NTM: variants seen among roughly 807,000 people sequenced by gnomAD.
The protein encoded by NTM is IgLON family member 2.
A neutral mutation model predicts 42.1 loss-of-function variants in NTM; 13 were observed. The ratio of observed to expected loss-of-function variants is 0.31; its 90% CI spans 0.20 to 0.49. The LOEUF (loss-of-function observed/expected upper bound fraction) is 0.49, where lower values mean the gene tolerates loss of function less well. NTM is among the 20% of genes least tolerant of loss of function. The pLI is 0.99. For missense variants in NTM, 373 were observed against 452.8 expected, an observed-to-expected ratio of 0.82 and a Z score of 1.60; for synonymous variants, 187 against 179.2, an observed-to-expected ratio of 1.04 and a Z score of -0.35.
intron 1 of NTM, among the ~76,000 whole-genome samples, chr11:131,675,800 T>C (rs1167289143): frequency 6.6e-6 from 1 of 152,170 alleles, no homozygotes; most frequent in African/African-American, 2.4e-5. Context: ...CAGATGAAGG[T>C]GACTCAAGAC....
intron 1 of NTM, among the ~76,000 whole-genome samples, chr11:131,497,675 G>T (rs1372921383): frequency 6.6e-6 from 1 of 152,198 alleles, no homozygotes; most frequent in East Asian, 1.9e-4. Flanking sequence ...GGAGAAAATT[G>T]TTAAGTACCA....
chr11:131,405,234 T>C (rs896137205), intron 1 of NTM, among the ~76,000 whole-genome samples: 1 of 152,120 alleles, frequency 6.6e-6, no homozygotes, highest in African/African-American at 2.4e-5. Flanking sequence ...TTACACACCT[T>C]AGAATAGATT....
chr11:131,855,275 A>C (rs1197826405), intron 1 of NTM, among the ~76,000 whole-genome samples: 5 of 152,358 alleles, frequency 3.3e-5, no homozygotes, highest in African/African-American at 1.2e-4. Context: ...AAGAAAACGA[A>C]TGGAATGAGT....
rs978590980 is a variant in NTM at position 132,002,717 on chromosome 11, G to A, written c.167+91069G>A. Among the ~76,000 whole-genome samples, 1 of 152,082 alleles carries A rather than the reference G, an allele frequency of 6.6e-6. No individual in the cohort carries two copies. The highest frequency in any genetic ancestry group is 2.4e-5 in the African/African-American group (1 of 41,382). ...CTACTAAATTTTGTGGCAATACAAT[G>A]CCTGGGTTTGAATTCAAGTTCTGCC... On this transcript the variant is annotated intron_variant, in intron 2 of 8. Transcript: ENST00000683400. The surrounding 1 kb of genome is among the most constrained non-coding windows in gnomAD (Gnocchi z 4.5).
At chr11:131,548,769 G>A (rs2054273033) in intron 1 of NTM, among the ~76,000 whole-genome samples, 1 of 152,094 alleles carries the variant, frequency 6.6e-6, no homozygotes, top group Non-Finnish European at 1.5e-5. Flanking sequence ...CCAGCAGTTA[G>A]CACGTACATG....
chr11:132,182,183 C>G (rs528176822), intron 3 of NTM, among the ~76,000 whole-genome samples: 1 of 152,074 alleles, frequency 6.6e-6, no homozygotes, highest in East Asian at 1.9e-4. Context: ...TTTAACACAC[C>G]TGTTTTGTTA....
chr11:131,712,014 G>A (rs2077202165), intron 1 of NTM, among the ~76,000 whole-genome samples: 1 of 148,518 alleles, frequency 6.7e-6, no homozygotes, highest in Non-Finnish European at 1.5e-5. Flanking sequence ...GATAGCATTA[G>A]GAGGTATACC....
intron 1 of NTM, among the ~76,000 whole-genome samples, chr11:131,891,885 A>C (rs1259467638): frequency 1.3e-5 from 2 of 152,210 alleles, no homozygotes; most frequent in Non-Finnish European, 2.9e-5. Flanking sequence ...CTCCTGAATC[A>C]TAGTCTTCCT....
At chr11:132,260,612 C>T (rs2092788572) in intron 4 of NTM, among the ~76,000 whole-genome samples, 1 of 152,138 alleles carries the variant, frequency 6.6e-6, no homozygotes. Context: ...CTTGTGTCCT[C>T]GGGTTTTGAC....
chr11:131,670,764 G>A (rs77320925), intron 1 of NTM, among the ~76,000 whole-genome samples: 5,257 of 152,266 alleles, frequency 0.035, 298 homozygotes, highest in African/African-American at 0.12. Context: ...GATGCTGTCC[G>A]AGAGGCGTAG....
intron 1 of NTM, among the ~76,000 whole-genome samples, chr11:131,884,522 G>A (rs1179656546): frequency 6.6e-6 from 1 of 152,182 alleles, no homozygotes; most frequent in Non-Finnish European, 1.5e-5. Context: ...TGTGGCTCCA[G>A]AAACAGTGTT....
intron 1 of NTM, among the ~76,000 whole-genome samples, chr11:131,780,498 G>T (rs1018801419): frequency 1.3e-5 from 2 of 152,078 alleles, no homozygotes; most frequent in Non-Finnish European, 2.9e-5. Flanking sequence ...TGGGTGTATG[G>T]GTCTGAGATC....
At chr11:131,999,964 T>G (rs139159410) in intron 2 of NTM, among the ~76,000 whole-genome samples, 2 of 152,156 alleles carry the variant, frequency 1.3e-5, no homozygotes, top group African/African-American at 4.8e-5. Flanking sequence ...ACTAGTGATT[T>G]CTAACATGAC....
At chr11:131,881,504 ACACACCCC>A (rs1261949034) in intron 1 of NTM, among the ~76,000 whole-genome samples, 14 of 151,230 alleles carry the variant, frequency 9.3e-5, no homozygotes, top group South Asian at 6.3e-4. Context: ...ACACACACAC[ACACACCCC>A]CCAAAGCTTT....
chr11:131,686,565 C>T (rs573024581), intron 1 of NTM, among the ~76,000 whole-genome samples: 107 of 152,148 alleles, frequency 7.0e-4, no homozygotes, highest in African/African-American at 2.1e-3. Context: ...TCAAGGGTGG[C>T]GGAGGCAGAA....
intron 1 of NTM, among the ~76,000 whole-genome samples, chr11:131,867,407 GT>G (rs1418335183): frequency 6.6e-6 from 1 of 152,038 alleles, no homozygotes; most frequent in East Asian, 1.9e-4. Flanking sequence ...GTCTGTATGT[GT>G]GTTTACGTCT....
chr11:132,184,195 G>A (rs61554448), intron 3 of NTM, among the ~76,000 whole-genome samples: 4,325 of 152,228 alleles, frequency 0.028, 82 homozygotes, highest in African/African-American at 0.058. Context: ...CACAGAAGAG[G>A]GAACTTTCCC....
chr11:132,179,377 A>G (rs559174377), intron 3 of NTM, among the ~76,000 whole-genome samples: 13 of 152,284 alleles, frequency 8.5e-5, no homozygotes, highest in African/African-American at 3.1e-4. Flanking sequence ...TTTACAGTGA[A>G]TAATGGTTGA....
chr11:132,210,517 A>G (rs942532984), intron 3 of NTM, among the ~76,000 whole-genome samples: 1 of 152,248 alleles, frequency 6.6e-6, no homozygotes, highest in Non-Finnish European at 1.5e-5. Flanking sequence ...TGCTAAGCAC[A>G]TAACCATAGC....
Sources: gnomAD v4.1 joint callset for allele counts (sites outside exome capture counted in the v4.1 genomes callset) on GRCh38, gnomAD v4.1.1 for gene constraint, Gnocchi (gnomAD v3.1) non-coding constraint, MANE v1.5 for transcripts, NCBI Gene and HGNC (gene_info 2026-07-23, HGNC 2026-07-21) for gene names.